NBPF3: variants seen among roughly 807,000 people sequenced by gnomAD.
NBPF3 encodes the protein NBPF family member NBPF3.
A neutral mutation model predicts 78.1 loss-of-function variants in NBPF3; 57 were observed. The ratio of observed to expected loss-of-function variants is 0.73; its 90% CI spans 0.59 to 0.91. NBPF3 has a LOEUF of 0.91. NBPF3 is among the 40% of genes least tolerant of loss of function. The pLI, the probability that NBPF3 is intolerant of heterozygous loss-of-function variation, is 0.00. For synonymous variants in NBPF3, 182 were observed against 271.7 expected (o/e 0.67, Z 3.25); for missense variants, 510 against 715.3 (o/e 0.71, Z 3.27).
rs1643268548 is a variant in NBPF3 at position 21,482,137 on chromosome 1, T to G, written c.1607-347T>G. Among the ~76,000 whole-genome samples the G allele has an allele frequency of 1.3e-5, 2 of 150,850 alleles. 1 individual carries two copies. ...CTCACAACTATGAACAATCTGAGTA[T>G]TTGATGAGACAGGGCTGAATATTGC... On this transcript the variant is annotated intron_variant, in intron 13 of 14. Transcript: ENST00000318249.
intron 2 of NBPF3, among the ~76,000 whole-genome samples, chr1:21,455,378 A>G (rs535321861): frequency 2.0e-5 from 3 of 152,376 alleles, no homozygotes; most frequent in African/African-American, 7.2e-5. Flanking sequence ...ACTGAGGGTC[A>G]TCTTAGGATT....
At chr1:21,448,670 AG>A (rs1485481286) in intron 2 of NBPF3, among the ~76,000 whole-genome samples, 8 of 152,190 alleles carry the variant, frequency 5.3e-5, no homozygotes, top group Middle Eastern at 3.2e-3. Context: ...CTGGTTTTCA[AG>A]GAGTTTTTAA....
At chr1:21,442,405 G>C (rs202141588) in intron 1 of NBPF3, 2 of 152,122 alleles carry the variant, frequency 1.3e-5, no homozygotes, top group African/African-American at 4.8e-5. Flanking sequence ...TAGTAGAGAT[G>C]GGGTTTTGCC....
chr1:21,458,996 C>T (rs4393124), intron 2 of NBPF3, among the ~76,000 whole-genome samples: 1 of 152,136 alleles, frequency 6.6e-6, no homozygotes, highest in Non-Finnish European at 1.5e-5. Flanking sequence ...AAAACATAAT[C>T]GAGATTAATA....
At chr1:21,446,771 G>C (rs900727453) in intron 2 of NBPF3, among the ~76,000 whole-genome samples, 2 of 151,884 alleles carry the variant, frequency 1.3e-5, no homozygotes, top group African/African-American at 4.8e-5. Flanking sequence ...GCTCTTCCCA[G>C]CCCCCTCCTT....
In NBPF3 at chr1:21,473,485, C is replaced by G; in HGVS notation, c.840C>G (p.Tyr280Ter). 1 of 1,614,184 alleles carries G rather than the reference C, an allele frequency of 6.2e-7. No individual in the cohort carries two copies. Among genetic ancestry groups the G allele is most frequent in the Non-Finnish European group, 8.5e-7 (1 of 1,180,024 alleles). The change falls in exon 7 of 15, where the codon TAC (tyrosine) becomes TAG (stop). Residue 280 changes from tyrosine (Y) to a stop codon, truncating the protein, a stop_gained. Coordinates refer to ENST00000318249, the MANE Select transcript of NBPF3 (RefSeq NM_032264.6). LOFTEE classifies it high-confidence loss of function. ...SHHPCESNQPYGNTRITFEED... is the reference protein window; with the variant it reads ...SHHPCESNQP ...ACCCTTGTGAGTCCAACCAGCCTTACGGGAACACCAGAATCACATTTGAGG... is the reference window on the plus strand; with the variant it reads ...ACCCTTGTGAGTCCAACCAGCCTTAGGGGAACACCAGAATCACATTTGAGG...
chr1:21,473,018 C>A, intron 6 of NBPF3, 103 bp downstream of exon 6: 1 of 890,668 alleles, frequency 1.1e-6, no homozygotes, highest in Non-Finnish European at 1.9e-6. Context: ...AGCCTGCATT[C>A]CCTTGGCCAC....
chr1:21,446,173 C>T (rs1338808904), intron 2 of NBPF3: 1 of 152,194 alleles, frequency 6.6e-6, no homozygotes, highest in Non-Finnish European at 1.5e-5. Flanking sequence ...CAGGGAAGTT[C>T]GTGGCCTGGT....
rs1202402625 is a variant in NBPF3 at position 21,440,191 on chromosome 1, T to A, written c.-297T>A. On this transcript the variant is annotated 5_prime_UTR_variant, in exon 1 of 15. It removes the in-frame stop codon of an upstream open reading frame in the 5' UTR. Coordinates refer to ENST00000318249, the MANE Select transcript of NBPF3 (RefSeq NM_032264.6). ...CAGCGGCGGTACTGGGATGGGTAGG[T>A]GAGGATCCCGAGACTGAGTGAGCTT... 1 of 151,112 alleles carries A rather than the reference T, an allele frequency of 6.6e-6. No homozygotes were observed. Among genetic ancestry groups the A allele is most frequent in the Non-Finnish European group, 1.5e-5 (1 of 67,548 alleles). 9.4% of individuals were successfully genotyped at this position (151,112 alleles called of 1,614,324 possible).
chr1:21,476,414 C>T lies in NBPF3; in HGVS notation c.992+1463C>T, dbSNP rs1642890998. Among the ~76,000 whole-genome samples the T allele has an allele frequency of 6.6e-6, 1 of 152,170 alleles. No individual in the cohort carries two copies. Among genetic ancestry groups the T allele is most frequent in the Admixed American group, 6.5e-5 (1 of 15,280 alleles). The stretch of plus-strand genomic sequence containing the variant: ...ACGTTTTTGCAGTGGCTGGCTGGTA[C>T]TGGTTGTTCCTTTCCATGTTTAGTG... On this transcript the variant is annotated intron_variant, in intron 8 of 14. Coordinates refer to ENST00000318249, the MANE Select transcript of NBPF3 (RefSeq NM_032264.6). This position sits in a 1 kb window ranked among gnomAD's most constrained non-coding sequence, Gnocchi z 4.1.
At position 21,474,484 on chromosome 1, in the gene NBPF3, T is replaced by A. The variant is rs538884823; in HGVS notation, c.941-416T>A. 1.3e-3 allele frequency among the ~76,000 whole-genome samples: 204 copies of A among 152,328 alleles called. 1 individual carries two copies. The highest frequency in any genetic ancestry group is 4.7e-3 in the African/African-American group (197 of 41,572). On this transcript the variant is annotated intron_variant, in intron 7 of 14. Transcript: ENST00000318249. ...CTCCCAAATCACAGATTCTTTTTAA[T>A]GCAAGAGTTGTTAGAATTTATCTAT...
chr1:21,473,465 T>A lies in NBPF3; in HGVS notation c.820T>A (p.Cys274Ser), dbSNP rs1429692720. 2 of 1,614,172 alleles carry A rather than the reference T, an allele frequency of 1.2e-6. No individual in the cohort carries two copies. The highest frequency in any genetic ancestry group is 2.2e-5 in the South Asian group (2 of 91,084). The change falls in exon 7 of 15, where the codon TGT becomes AGT. Residue 274 changes from cysteine to serine, a missense_variant. Transcript: ENST00000318249. ...CACTTGTTCAAATAGCCACCACCCT[T>A]GTGAGTCCAACCAGCCTTACGGGAA... ...AITCSNSHHP[C>S]ESNQPYGNTR...
intron 1 of NBPF3, among the ~76,000 whole-genome samples, chr1:21,444,071 GTC>G (rs984228949): frequency 6.6e-6 from 1 of 152,098 alleles, no homozygotes; most frequent in Non-Finnish European, 1.5e-5. Flanking sequence ...TAGAGATTTT[GTC>G]TCTTTTATTC....
In NBPF3 at chr1:21,471,673, A is replaced by G. The variant is rs1481735654; in HGVS notation, c.551A>G (p.Gln184Arg). Residue 184 changes from glutamine (Q) to arginine (R), a missense_variant, in exon 5 of 15, where the codon CAG becomes CGG. Gln to Arg is a conservative substitution (Grantham distance 43). Coordinates refer to ENST00000318249, the MANE Select transcript of NBPF3 (RefSeq NM_032264.6). ...TCCCGCTCATTGAATCAGCATCTCC[A>G]GGCCCTCCTCACTCCGGATGAGCCG... ...DASRSLNQHL[Q>R]ALLTPDEPDN... 1 of 1,613,372 alleles carries G rather than the reference A, an allele frequency of 6.2e-7. No homozygotes were observed. Among genetic ancestry groups the G allele is most frequent in the South Asian group, 1.1e-5 (1 of 91,036 alleles).
Position 21,472,868 on chromosome 1 carries a change from TGTTAAA to T in NBPF3, c.691_696del (p.Lys231_Val232del), listed in dbSNP as rs1468564117. 16 of 1,612,634 alleles carry T rather than the reference TGTTAAA, an allele frequency of 9.9e-6. No homozygotes were observed. Among genetic ancestry groups the T allele is most frequent in the Non-Finnish European group, 1.4e-5 (16 of 1,178,652 alleles). ...AAAATGATGACGATGAGGATGAAGA[TGTTAAA>T]GTTGAGGAGGCTGAGAAAGTACAGG... On this transcript the variant is annotated inframe_deletion, in exon 6 of 15. Transcript: ENST00000318249.
intron 8 of NBPF3, among the ~76,000 whole-genome samples, chr1:21,475,578 T>C: frequency 6.6e-6 from 1 of 152,312 alleles, no homozygotes; most frequent in East Asian, 1.9e-4. Context: ...TTTGAGTGAG[T>C]TTCTTAATCC....
chr1:21,452,117 A>G (rs750471309), intron 2 of NBPF3, among the ~76,000 whole-genome samples: 1 of 152,232 alleles, frequency 6.6e-6, no homozygotes, highest in Non-Finnish European at 1.5e-5. Flanking sequence ...TTATTGCATT[A>G]GGCTTAAATT....
chr1:21,477,438 G>C (rs1377078583), intron 8 of NBPF3, among the ~76,000 whole-genome samples: 2 of 152,196 alleles, frequency 1.3e-5, no homozygotes, highest in Non-Finnish European at 2.9e-5. Context: ...TTTGATGCTG[G>C]TGACCTACAG....
At chr1:21,469,594 G>A (rs1558496992) in intron 3 of NBPF3, among the ~76,000 whole-genome samples, 1 of 152,040 alleles carries the variant, frequency 6.6e-6, no homozygotes. Context: ...GCGTGGTGGC[G>A]GGCGCCTGTA....
Sources: gnomAD v4.1 joint callset for allele counts (sites outside exome capture counted in the v4.1 genomes callset) on GRCh38, gnomAD v4.1.1 for gene constraint, Gnocchi (gnomAD v3.1) non-coding constraint, MANE v1.5 for transcripts, NCBI Gene and HGNC (gene_info 2026-07-23, HGNC 2026-07-21) for gene names.